The following EDIL3 variants were observed in gnomAD, a reference collection of about 807,000 sequenced individuals.
EDIL3 encodes the protein EGF-like repeat and discoidin I-like domain-containing protein 3.
EDIL3 carries 37 observed loss-of-function variants against 67.4 expected under a neutral mutation model. The observed-to-expected ratio is 0.55, with a 90% CI of 0.42 to 0.72. The LOEUF (loss-of-function observed/expected upper bound fraction) is 0.72. Ranked by LOEUF, EDIL3 falls within the 30% of genes least tolerant of loss-of-function variation. The probability of loss-of-function intolerance (pLI) is 0.00; values close to 1 mark genes in which losing one functional copy is unlikely to be tolerated. For synonymous variants in EDIL3, 195 were observed against 196.3 expected, an observed-to-expected ratio of 0.99 and a Z score of 0.05; for missense variants, 527 against 586.3, an observed-to-expected ratio of 0.90 and a Z score of 1.04.
intron 6 of EDIL3, among the ~76,000 whole-genome samples, chr5:84,077,997 C>G (rs763020938): frequency 1.3e-5 from 2 of 151,880 alleles, no homozygotes; most frequent in African/African-American, 4.8e-5. Flanking sequence ...AAAGATACAA[C>G]AATTTACAGC....
intron 6 of EDIL3, among the ~76,000 whole-genome samples, chr5:84,091,824 T>C (rs1747171677): frequency 6.6e-6 from 1 of 152,214 alleles, no homozygotes; most frequent in African/African-American, 2.4e-5. Context: ...TGCAGTTCTA[T>C]TAGAACTAAT....
intron 6 of EDIL3, among the ~76,000 whole-genome samples, chr5:84,091,159 C>G (rs1380312452): frequency 6.6e-6 from 1 of 152,062 alleles, no homozygotes; most frequent in African/African-American, 2.4e-5. Context: ...CACTAGCTGC[C>G]TGGGTTTGAC....
chr5:84,159,675 A>G (rs567847194), intron 4 of EDIL3, among the ~76,000 whole-genome samples: 32 of 152,170 alleles, frequency 2.1e-4, no homozygotes, highest in South Asian at 1.0e-3. Context: ...TAAACTGTAT[A>G]TAGGAAACAT....
At chr5:84,055,058 G>GT (rs1360430626) in intron 9 of EDIL3, among the ~76,000 whole-genome samples, 1 of 145,826 alleles carries the variant, frequency 6.9e-6, no homozygotes, top group Non-Finnish European at 1.5e-5. Flanking sequence ...ACTTCAAACT[G>GT]TACTACAAGG....
At chr5:84,311,380 G>T (rs1580070533) in intron 1 of EDIL3, among the ~76,000 whole-genome samples, 1 of 122,858 alleles carries the variant, frequency 8.1e-6, no homozygotes, top group African/African-American at 3.1e-5. Flanking sequence ...TCAAAAGCTT[G>T]CAAAAACAGC....
At chr5:84,057,836 G>T (rs1276657908) in intron 9 of EDIL3, among the ~76,000 whole-genome samples, 1 of 152,018 alleles carries the variant, frequency 6.6e-6, no homozygotes, top group African/African-American at 2.4e-5. Flanking sequence ...CATGTGTTAG[G>T]TTAGTTAGAT....
chr5:84,108,848 G>C (rs935061821), intron 5 of EDIL3, among the ~76,000 whole-genome samples: 1 of 152,180 alleles, frequency 6.6e-6, no homozygotes, highest in Non-Finnish European at 1.5e-5. Flanking sequence ...TAGACTAGCA[G>C]AGCTAGAGAG....
intron 3 of EDIL3, among the ~76,000 whole-genome samples, chr5:84,220,845 G>C (rs972279059): frequency 1.3e-5 from 2 of 152,072 alleles, no homozygotes; most frequent in Non-Finnish European, 2.9e-5. Flanking sequence ...TGCCCTCTCT[G>C]GTCATGCATA....
chr5:84,182,748 G>A (rs966152752), intron 3 of EDIL3, among the ~76,000 whole-genome samples: 28 of 151,846 alleles, frequency 1.8e-4, no homozygotes, highest in African/African-American at 6.0e-4. Flanking sequence ...TACAGTTCCC[G>A]GACCTTGACT....
intron 10 of EDIL3, among the ~76,000 whole-genome samples, chr5:83,958,859 T>C (rs1744559652): frequency 6.6e-6 from 1 of 151,362 alleles, no homozygotes; most frequent in South Asian, 2.1e-4. Context: ...CATTTGACTT[T>C]CAAATAAAAA....
At chr5:84,301,512 G>A (rs1746161519) in intron 1 of EDIL3, among the ~76,000 whole-genome samples, 1 of 152,054 alleles carries the variant, frequency 6.6e-6, no homozygotes. Context: ...TGCTATCATG[G>A]GCGAAATACA....
At chr5:84,268,287 A>C (rs1424580275) in intron 1 of EDIL3, among the ~76,000 whole-genome samples, 1 of 152,220 alleles carries the variant, frequency 6.6e-6, no homozygotes, top group African/African-American at 2.4e-5. Context: ...ACATGGCTTA[A>C]GAGCTTTTTT....
rs1418376604 is a variant in EDIL3, at chr5:84,215,965, G to A, written c.226+13890C>T. On this transcript the variant is annotated intron_variant, in intron 3 of 10. Coordinates refer to ENST00000296591, the MANE Select transcript of EDIL3 (RefSeq NM_005711.5). Reference sequence around the variant, plus strand: ...GGCAGAAGAGTGATGGGCACTCACAGCCTTGTAAAAGAATTAGGCTGCCGG... The same window carrying A: ...GGCAGAAGAGTGATGGGCACTCACAACCTTGTAAAAGAATTAGGCTGCCGG... 3.9e-5 allele frequency among the ~76,000 whole-genome samples: 6 copies of A among 152,200 alleles called. No homozygotes were observed. The South Asian group carries it at 1.2e-3, about 31-fold the overall frequency.
chr5:84,311,778 C>G (rs1478010164), intron 1 of EDIL3, among the ~76,000 whole-genome samples: 2 of 152,028 alleles, frequency 1.3e-5, no homozygotes, highest in East Asian at 1.9e-4. Flanking sequence ...AGCATGCTGC[C>G]GTCAAGCATC....
intron 3 of EDIL3, among the ~76,000 whole-genome samples, chr5:84,211,209 C>G (rs1342514687): frequency 6.6e-6 from 1 of 152,108 alleles, no homozygotes; most frequent in Non-Finnish European, 1.5e-5. Context: ...GAAGCAGATC[C>G]CTCATGAACA....
chr5:84,107,786 A>T (rs1747489998), intron 5 of EDIL3, among the ~76,000 whole-genome samples: 1 of 150,250 alleles, frequency 6.7e-6, no homozygotes, highest in Admixed American at 6.6e-5. Flanking sequence ...TAAATTCTTA[A>T]TTGCGTTATA....
At chr5:84,055,988 C>T (rs1253078103) in intron 9 of EDIL3, among the ~76,000 whole-genome samples, 2 of 152,170 alleles carry the variant, frequency 1.3e-5, no homozygotes, top group Admixed American at 6.5e-5. Context: ...ATAAATCATG[C>T]TGCTATAAAG....
At chr5:84,239,706 A>G (rs1274525499) in intron 2 of EDIL3, among the ~76,000 whole-genome samples, 1 of 152,224 alleles carries the variant, frequency 6.6e-6, no homozygotes, top group Non-Finnish European at 1.5e-5. Context: ...TGGCATGCAA[A>G]CAATGTCAAA....
chr5:84,149,104 G>A (rs1055285105), intron 4 of EDIL3, among the ~76,000 whole-genome samples: 3 of 152,166 alleles, frequency 2.0e-5, no homozygotes, highest in Admixed American at 6.5e-5. Context: ...AGAGCCTGGT[G>A]AACTCTAGTG....
Sources: allele counts gnomAD v4.1 joint callset (sites outside exome capture counted in the v4.1 genomes callset), GRCh38; gene constraint gnomAD v4.1.1; transcripts MANE v1.5; gene names NCBI Gene and HGNC (gene_info 2026-07-23, HGNC 2026-07-21).